Variants in RBM26 observed in about 807,000 individuals in gnomAD.
RBM26 encodes the protein RNA-binding protein 26.
In RBM26, 30 loss-of-function variants were observed where a neutral mutation model predicts 123.6. The ratio of observed to expected loss-of-function variants is 0.24; its 90% confidence interval spans 0.18 to 0.33. The LOEUF (loss-of-function observed/expected upper bound fraction) is 0.33. RBM26 is among the 10% of genes least tolerant of loss of function. The probability of loss-of-function intolerance (pLI) is 1.00; values close to 1 mark genes in which losing one functional copy is unlikely to be tolerated. For synonymous variants in RBM26, 400 were observed against 404.4 expected (o/e 0.99, Z 0.13); for missense variants, 947 against 1,203.6 (o/e 0.79, Z 3.15).
At chr13:79,340,492 C>T (rs532019087) in intron 18 of RBM26, among the ~76,000 whole-genome samples, 2 of 151,980 alleles carry the variant, frequency 1.3e-5, no homozygotes, top group African/African-American at 4.8e-5. Flanking sequence ...AGACATGTGC[C>T]AACTATATTA....
In RBM26 at chr13:79,396,118, G is replaced by A. The variant is rs150056576; in HGVS notation, c.71+9586C>T. 9.6e-3 allele frequency among the ~76,000 whole-genome samples: 1,460 copies of A among 152,190 alleles called. 80 individuals are homozygous for A. The highest frequency in any genetic ancestry group is 0.086 in the Admixed American group (1,319 of 15,284). On this transcript the variant is annotated intron_variant, in intron 1 of 21. Transcript: ENST00000438737. ...GAAAACAGACACATTACATTCAGGA[G>A]AACAAAGACTCAAATGACAGCAGAT...
chr13:79,328,414 C>T (rs2068758923), intron 20 of RBM26, among the ~76,000 whole-genome samples: 1 of 151,528 alleles, frequency 6.6e-6, no homozygotes. Flanking sequence ...CTTCCTATTT[C>T]ACTCCTTAGA....
At chr13:79,390,078 TA>T (rs2077817914) in intron 1 of RBM26, among the ~76,000 whole-genome samples, 1 of 152,092 alleles carries the variant, frequency 6.6e-6, no homozygotes, top group African/African-American at 2.4e-5. Context: ...TACAAGTTTA[TA>T]TATGAGAATC....
chr13:79,379,490 T>C (rs1219694408), intron 1 of RBM26, among the ~76,000 whole-genome samples: 1 of 151,738 alleles, frequency 6.6e-6, no homozygotes, highest in Non-Finnish European at 1.5e-5. Context: ...CTGCAGTGAT[T>C]TGGGATCACG....
At chr13:79,326,577 C>G in intron 20 of RBM26, among the ~76,000 whole-genome samples, 1 of 152,092 alleles carries the variant, frequency 6.6e-6, no homozygotes, top group Non-Finnish European at 1.5e-5. Flanking sequence ...AAGTACCAAA[C>G]TAAAGCCAGC....
chr13:79,338,966 C>G (rs889109625), intron 18 of RBM26, among the ~76,000 whole-genome samples: 2 of 152,102 alleles, frequency 1.3e-5, no homozygotes, highest in African/African-American at 2.4e-5. Context: ...GGTGTAGGAG[C>G]AAGATAAGCA....
chr13:79,354,495 G>A lies in RBM26; in HGVS notation c.1930C>T (p.Pro644Ser). 6.2e-7 allele frequency: 1 copy of A among 1,609,814 alleles called. No homozygotes were observed. Among genetic ancestry groups the A allele is most frequent in the African/African-American group, 1.3e-5 (1 of 74,994 alleles). ...QSVKERLGPV[P>S]SSTIEPAEAQ... Reference sequence around the variant, plus strand: ...TCTGCAGGTTCAATAGTACTTGAAGGTACTGGACCCAGCCGCTCTTTGACT... The same window carrying A: ...TCTGCAGGTTCAATAGTACTTGAAGATACTGGACCCAGCCGCTCTTTGACT... The change falls in exon 13 of 22, where the codon CCT becomes TCT. Residue 644 changes from proline (P) to serine (S), a missense_variant. Around this residue, in one of 5 missense-constraint regions of RBM26, gnomAD observed 493 missense variants for 563.1 expected, o/e 0.88. Coordinates refer to ENST00000438737, the MANE Select transcript of RBM26 (RefSeq NM_001366735.2).
At chr13:79,397,281 G>A (rs1205906622) in intron 1 of RBM26, among the ~76,000 whole-genome samples, 1 of 152,118 alleles carries the variant, frequency 6.6e-6, no homozygotes, top group African/African-American at 2.4e-5. Flanking sequence ...TCTGGTAAAA[G>A]GCAGTTACTA....
intron 4 of RBM26, 51 bp downstream of exon 4, chr13:79,371,791 T>C: frequency 7.8e-7 from 1 of 1,275,166 alleles, no homozygotes. Flanking sequence ...AACATTTGTA[T>C]AAAAGATAAC....
At chr13:79,403,024 C>T (rs1310130546) in intron 1 of RBM26, among the ~76,000 whole-genome samples, 1 of 151,832 alleles carries the variant, frequency 6.6e-6, no homozygotes, top group Admixed American at 6.6e-5. Context: ...CAAGTTACAG[C>T]TTACCCTTGG....
chr13:79,397,689 A>G (rs1348672738), intron 1 of RBM26, among the ~76,000 whole-genome samples: 3 of 150,224 alleles, frequency 2.0e-5, no homozygotes, highest in Middle Eastern at 3.4e-3. Flanking sequence ...TCAAAAAAAA[A>G]AAAAAAAAAA....
chr13:79,375,177 A>AT (rs201740372), intron 3 of RBM26, among the ~76,000 whole-genome samples: 40 of 133,030 alleles, frequency 3.0e-4, no homozygotes, highest in African/African-American at 5.7e-4. Context: ...TTATATATAT[A>AT]TATTTTTTTT....
chr13:79,395,004 GT>G (rs2078431493), intron 1 of RBM26, among the ~76,000 whole-genome samples: 2 of 152,122 alleles, frequency 1.3e-5, no homozygotes, highest in Non-Finnish European at 2.9e-5. Context: ...AACGAAAGTT[GT>G]TACAAAGCCC....
intron 1 of RBM26, among the ~76,000 whole-genome samples, chr13:79,391,419 T>C (rs1447067891): frequency 6.6e-6 from 1 of 152,140 alleles, no homozygotes; most frequent in African/African-American, 2.4e-5. Flanking sequence ...AAATGAAGCA[T>C]TTCTTTTTGT....
At chr13:79,347,099 T>C (rs1407461589) in intron 14 of RBM26, among the ~76,000 whole-genome samples, 1 of 152,224 alleles carries the variant, frequency 6.6e-6, no homozygotes, top group African/African-American at 2.4e-5. Context: ...TGACATGTAG[T>C]ATCAGACTAA....
At chr13:79,394,409 G>A (rs1266719503) in intron 1 of RBM26, among the ~76,000 whole-genome samples, 1 of 152,124 alleles carries the variant, frequency 6.6e-6, no homozygotes, top group Non-Finnish European at 1.5e-5. Flanking sequence ...TCCTCTAGAG[G>A]TTACTACTTT....
At chr13:79,404,084 T>C (rs1483787620) in intron 1 of RBM26, among the ~76,000 whole-genome samples, 1 of 152,202 alleles carries the variant, frequency 6.6e-6, no homozygotes, top group East Asian at 1.9e-4. Context: ...TCTCCAGTCC[T>C]GTCCTGAGTT....
chr13:79,344,244 T>TG lies in RBM26; in HGVS notation c.2259+3_2259+4insC. ...TTTGGCCAAATCTAACTTTAACATT[T>TG]TACCTTCTGTGTTTCAATGTGCTTT... On this transcript the variant is annotated splice_donor_region_variant and intron_variant, in intron 16 of 21. Transcript: ENST00000438737. The TG allele has an allele frequency of 6.3e-7, 1 of 1,591,506 alleles. No homozygotes were observed.
chr13:79,366,854 C>A lies in RBM26; in HGVS notation c.914G>T (p.Arg305Ile). ...RDYDEKGFCMRGDMCPFDHGS... is the reference protein window; with the variant it reads ...RDYDEKGFCMIGDMCPFDHGS... ...ATGATCAAAAGGACACATGTCTCCT[C>A]TCATACAAAAACCCTTTTCTATGAG... Residue 305 changes from arginine (R) to isoleucine (I), a missense_variant, in exon 7 of 22, where the codon AGA (arginine) becomes ATA (isoleucine). By Grantham distance (97) the Arg-to-Ile change is moderately conservative. Transcript: ENST00000438737. The A allele has an allele frequency of 6.2e-7, 1 of 1,605,116 alleles. No individual in the cohort carries two copies. The highest frequency in any genetic ancestry group is 8.5e-7 in the Non-Finnish European group (1 of 1,174,650).
Sources: allele counts gnomAD v4.1 joint callset (sites outside exome capture counted in the v4.1 genomes callset), GRCh38; gene constraint gnomAD v4.1.1; regional missense constraint gnomAD v4.1.1; transcripts MANE v1.5; gene names NCBI Gene and HGNC (gene_info 2026-07-23, HGNC 2026-07-21).